Variants in KCNQ5 observed in about 807,000 individuals in gnomAD.
KCNQ5 encodes the protein potassium voltage-gated channel subfamily KQT member 5.
A neutral mutation model predicts 98.2 loss-of-function variants in KCNQ5; 30 were observed. That is an observed-to-expected ratio of 0.31 (90% CI 0.23 to 0.41). The LOEUF (loss-of-function observed/expected upper bound fraction) is 0.41, where lower values mean the gene tolerates loss of function less well. Ranked by LOEUF, KCNQ5 falls within the 10% of genes least tolerant of loss-of-function variation. The probability of loss-of-function intolerance (pLI) is 1.00; values close to 1 mark genes in which losing one functional copy is unlikely to be tolerated. For synonymous variants in KCNQ5, 458 were observed against 449.4 expected (o/e 1.02, Z -0.24); for missense variants, 835 against 1,182.5 (o/e 0.71, Z 4.31).
At chr6:73,094,813 T>C (rs1359709429) in intron 5 of KCNQ5, among the ~76,000 whole-genome samples, 3 of 152,168 alleles carry the variant, frequency 2.0e-5, no homozygotes, top group Non-Finnish European at 2.9e-5. Flanking sequence ...TAGGTTTTTA[T>C]TTATAGGTTA....
intron 1 of KCNQ5, among the ~76,000 whole-genome samples, chr6:72,888,942 C>G (rs1405191994): frequency 2.0e-5 from 3 of 152,070 alleles, no homozygotes; most frequent in Non-Finnish European, 2.9e-5. Flanking sequence ...GTATGTACAT[C>G]TATGTGTCTG....
chr6:73,122,286 T>C (rs1775779602), intron 8 of KCNQ5, among the ~76,000 whole-genome samples: 1 of 152,204 alleles, frequency 6.6e-6, no homozygotes, highest in African/African-American at 2.4e-5. Flanking sequence ...TGGTCTATTA[T>C]CATATGTGAT....
At chr6:73,057,210 C>G (rs1300673199) in intron 3 of KCNQ5, among the ~76,000 whole-genome samples, 2 of 151,900 alleles carry the variant, frequency 1.3e-5, no homozygotes, top group Non-Finnish European at 2.9e-5. Context: ...CCATCATTCT[C>G]AGCAAACTAT....
At chr6:73,049,444 C>T (rs1019013083) in intron 3 of KCNQ5, among the ~76,000 whole-genome samples, 1 of 152,184 alleles carries the variant, frequency 6.6e-6, no homozygotes, top group African/African-American at 2.4e-5. Flanking sequence ...AGTCGAGGCA[C>T]TGTGAAGTGG....
At chr6:73,190,866 A>G (rs953419891) in intron 12 of KCNQ5, among the ~76,000 whole-genome samples, 162 bp downstream of exon 12, 2 of 152,242 alleles carry the variant, frequency 1.3e-5, no homozygotes, top group Non-Finnish European at 2.9e-5. Flanking sequence ...TGCTTTTAAC[A>G]TAGATATAAC....
At chr6:72,702,506 G>T (rs1195909591) in intron 1 of KCNQ5, among the ~76,000 whole-genome samples, 1 of 152,188 alleles carries the variant, frequency 6.6e-6, no homozygotes, top group Non-Finnish European at 1.5e-5. Context: ...TGGAATGTTG[G>T]AATAAATAGC....
Position 72,898,266 on chromosome 6 carries a change from G to A in KCNQ5, c.399-105642G>A, listed in dbSNP as rs536257152. Among the ~76,000 whole-genome samples the A allele has an allele frequency of 3.3e-5, 5 of 152,204 alleles. No individual in the cohort carries two copies. The South Asian group carries it at 1.0e-3, about 32-fold the overall frequency. On this transcript the variant is annotated intron_variant, in intron 1 of 13. Transcript: ENST00000370398. ...TTGCTGCATCTATCAACCCGTCAGTGAGGTTTTAAGCCCTGCATGCATTAG... is the reference window on the plus strand; with the variant it reads ...TTGCTGCATCTATCAACCCGTCAGTAAGGTTTTAAGCCCTGCATGCATTAG...
At chr6:73,034,860 T>TTTTTTTA (rs1562139229) in intron 2 of KCNQ5, among the ~76,000 whole-genome samples, 2 of 127,434 alleles carry the variant, frequency 1.6e-5, no homozygotes, top group African/African-American at 2.7e-5. Flanking sequence ...TTTTTTTTTT[T>TTTTTTTA]TTTGAGACAG....
At position 73,133,619 on chromosome 6, in the gene KCNQ5, T is replaced by C. The variant is rs146335187; in HGVS notation, c.1446T>C (p.Ser482=). The C allele has an allele frequency of 7.4e-6, 12 of 1,614,096 alleles. No homozygotes were observed. The highest frequency in any genetic ancestry group is 6.7e-5 in the Admixed American group (4 of 60,012). The change falls in exon 10 of 14, where the codon TCT becomes TCC. Residue 482 remains serine, a synonymous_variant. Coordinates refer to ENST00000370398, the MANE Select transcript of KCNQ5 (RefSeq NM_019842.4). ...GGCCCTCGCTGCGCCTCAAAAGTTC[T>C]CAGCCAAAACCAGTGATAGATGGTA... The part of the protein sequence containing the change: ...RFRPSLRLKS[S]QPKPVIDADT...
At chr6:72,660,585 A>T (rs547279894) in intron 1 of KCNQ5, among the ~76,000 whole-genome samples, 1 of 152,254 alleles carries the variant, frequency 6.6e-6, no homozygotes, top group Admixed American at 6.5e-5. Flanking sequence ...CTTGACATTG[A>T]TGGTCCCAGC....
rs551927802 is a variant in KCNQ5, at chr6:72,717,552, A to T, written c.398+94965A>T. 2.0e-4 allele frequency among the ~76,000 whole-genome samples: 31 copies of T among 152,350 alleles called. No homozygotes were observed. The South Asian group carries it at 4.8e-3, about 23-fold the overall frequency. On this transcript the variant is annotated intron_variant, in intron 1 of 13. Transcript: ENST00000370398. Reference sequence around the variant, plus strand: ...AACATTCTTGGATGTTATTTTAGAAAATAACACATGTATTGTCAGTATGGG... The same window carrying T: ...AACATTCTTGGATGTTATTTTAGAATATAACACATGTATTGTCAGTATGGG...
chr6:72,929,100 C>G (rs899812248), intron 1 of KCNQ5, among the ~76,000 whole-genome samples: 2 of 152,100 alleles, frequency 1.3e-5, no homozygotes, highest in African/African-American at 4.8e-5. Context: ...AATGCTGACC[C>G]ATAACAGAGG....
chr6:72,881,943 G>A (rs559244573), intron 1 of KCNQ5, among the ~76,000 whole-genome samples: 7 of 152,208 alleles, frequency 4.6e-5, no homozygotes, highest in South Asian at 4.1e-4. Context: ...TGCCCGCCTC[G>A]ACCTCCCAAA....
intron 10 of KCNQ5, among the ~76,000 whole-genome samples, chr6:73,138,191 G>A (rs1235705131): frequency 6.6e-6 from 1 of 152,166 alleles, no homozygotes; most frequent in Non-Finnish European, 1.5e-5. Flanking sequence ...GGTCATCTGA[G>A]GCCTGTTTCA....
intron 10 of KCNQ5, among the ~76,000 whole-genome samples, chr6:73,153,326 C>A (rs757542911): frequency 6.6e-6 from 1 of 151,810 alleles, no homozygotes; most frequent in African/African-American, 2.4e-5. Flanking sequence ...GGGTTTATGT[C>A]TTTTTTTAAA....
chr6:72,893,579 C>A (rs972092212), intron 1 of KCNQ5, among the ~76,000 whole-genome samples: 6 of 152,152 alleles, frequency 3.9e-5, no homozygotes, highest in Admixed American at 3.9e-4. Context: ...GTACTGTTTT[C>A]TTTCCTTGGT....
At chr6:72,743,018 A>G (rs1771208235) in intron 1 of KCNQ5, among the ~76,000 whole-genome samples, 1 of 152,214 alleles carries the variant, frequency 6.6e-6, no homozygotes, top group Admixed American at 6.5e-5. Flanking sequence ...TTAGGGGTGA[A>G]TATTGTTTTT....
chr6:73,049,977 G>C (rs947883854), intron 3 of KCNQ5, among the ~76,000 whole-genome samples: 3 of 151,962 alleles, frequency 2.0e-5, no homozygotes, highest in African/African-American at 7.3e-5. Context: ...CTTGAGCCTA[G>C]GAGTTCAAAA....
intron 9 of KCNQ5, among the ~76,000 whole-genome samples, chr6:73,127,457 C>T (rs921563356): frequency 6.6e-6 from 1 of 152,150 alleles, no homozygotes. Flanking sequence ...GAGAGAAACC[C>T]AAGTGTAGAT....
Sources: gnomAD v4.1 joint callset for allele counts (sites outside exome capture counted in the v4.1 genomes callset) on GRCh38, gnomAD v4.1.1 for gene constraint, MANE v1.5 for transcripts, NCBI Gene and HGNC (gene_info 2026-07-23, HGNC 2026-07-21) for gene names.